NR2C1: variants seen among roughly 807,000 people sequenced by gnomAD.
NR2C1 encodes nuclear receptor subfamily 2 group C member 1.
Under a neutral mutation model 74.8 loss-of-function variants are expected in NR2C1, and 33 were observed. That is an observed-to-expected ratio of 0.44 (90% CI 0.33 to 0.59). The LOEUF (loss-of-function observed/expected upper bound fraction) is 0.59, where lower values mean the gene tolerates loss of function less well. Among genes scored for constraint, NR2C1 ranks in the 20% least tolerant of loss-of-function variants. The pLI, the probability that NR2C1 is intolerant of heterozygous loss-of-function variation, is 0.02. For missense variants in NR2C1, 568 were observed against 715.6 expected (o/e 0.79, Z 2.35); for synonymous variants, 225 against 240.6 (o/e 0.94, Z 0.60).
In NR2C1 at chr12:95,022,403, C is replaced by T. The variant is rs748838539; in HGVS notation, c.1638G>A (p.Arg546=). 5.0e-6 allele frequency: 8 copies of T among 1,593,268 alleles called. No individual in the cohort carries two copies. In the South Asian group the frequency reaches 9.2e-5, roughly 18 times the overall value. The change falls in exon 14 of 14, where the codon AGG becomes AGA. Residue 546 remains arginine, a splice_region_variant and synonymous_variant. Transcript: ENST00000333003. The stretch of plus-strand genomic sequence containing the variant: ...GCAATCTGAGTAGTAGTCTGGATAA[C>T]CTAAAAAAAGAAAGAAAAAAGGGAG... ...ITKTYPDDTY[R]LSRLLLRLPA... is the part of the protein sequence containing the mutation.
intron 9 of NR2C1, among the ~76,000 whole-genome samples, chr12:95,046,799 A>T: frequency 6.6e-6 from 1 of 152,170 alleles, no homozygotes; most frequent in East Asian, 1.9e-4. Context: ...TCAATGTGAG[A>T]ACCATGAAAT....
At chr12:95,029,192 C>T (rs749014765) in intron 11 of NR2C1, among the ~76,000 whole-genome samples, 1 of 151,768 alleles carries the variant, frequency 6.6e-6, no homozygotes, top group Non-Finnish European at 1.5e-5. Flanking sequence ...AGCAATCCTC[C>T]CACCTCAGCC....
At chr12:95,024,569 A>T (rs1252471953) in intron 13 of NR2C1, among the ~76,000 whole-genome samples, 1 of 152,256 alleles carries the variant, frequency 6.6e-6, no homozygotes, top group Non-Finnish European at 1.5e-5. Flanking sequence ...TTCAAAATTA[A>T]TTATAAAACA....
intron 1 of NR2C1, among the ~76,000 whole-genome samples, chr12:95,070,444 C>T (rs1439744889): frequency 2.0e-5 from 3 of 152,116 alleles, no homozygotes. Flanking sequence ...CACACACATT[C>T]TTTATACACT....
chr12:95,070,805 T>A (rs1035802485), intron 1 of NR2C1, among the ~76,000 whole-genome samples: 2 of 152,226 alleles, frequency 1.3e-5, no homozygotes, highest in African/African-American at 4.8e-5. Context: ...TCATTTCCTA[T>A]CACTCCCAAG....
chr12:95,030,166 C>A (rs955214366), intron 11 of NR2C1, among the ~76,000 whole-genome samples: 1 of 152,172 alleles, frequency 6.6e-6, no homozygotes, highest in Non-Finnish European at 1.5e-5. Flanking sequence ...AACCACCCCA[C>A]CTGGCTGAAA....
intron 10 of NR2C1, among the ~76,000 whole-genome samples, chr12:95,034,252 C>G (rs1870531782): frequency 6.6e-6 from 1 of 151,834 alleles, no homozygotes; most frequent in African/African-American, 2.4e-5. Context: ...CATTCAGTAT[C>G]CAAGAAGGAT....
chr12:95,024,455 C>A (rs1032373115), intron 13 of NR2C1, among the ~76,000 whole-genome samples: 1 of 152,028 alleles, frequency 6.6e-6, no homozygotes, highest in East Asian at 1.9e-4. Context: ...ATTAACCCCT[C>A]GGCTATAATA....
intron 2 of NR2C1, chr12:95,067,063 G>A: frequency 2.0e-6 from 1 of 505,830 alleles, no homozygotes. Flanking sequence ...TCACTCTACA[G>A]CTCTTTAATT....
chr12:95,058,907 C>T (rs1466521679), intron 4 of NR2C1, among the ~76,000 whole-genome samples: 1 of 152,108 alleles, frequency 6.6e-6, no homozygotes, highest in Non-Finnish European at 1.5e-5. Context: ...GGATTACAGG[C>T]ATGAGCCATC....
At chr12:95,051,251 G>A (rs892790655) in intron 8 of NR2C1, among the ~76,000 whole-genome samples, 1 of 152,154 alleles carries the variant, frequency 6.6e-6, no homozygotes, top group Non-Finnish European at 1.5e-5. Context: ...ATGATGGGTT[G>A]CAGTCAAAAA....
chr12:95,041,516 C>T (rs181593030), intron 9 of NR2C1, among the ~76,000 whole-genome samples: 3 of 151,750 alleles, frequency 2.0e-5, no homozygotes, highest in African/African-American at 7.3e-5. Flanking sequence ...CAAACTGGCA[C>T]TAAATAAAAA....
At chr12:95,043,835 T>C (rs980394450) in intron 9 of NR2C1, among the ~76,000 whole-genome samples, 1 of 152,192 alleles carries the variant, frequency 6.6e-6, no homozygotes, top group African/African-American at 2.4e-5. Flanking sequence ...GGTTTAATCA[T>C]AAAATGGAAA....
chr12:95,065,633 TTTTAG>T (rs1875572368), intron 2 of NR2C1, among the ~76,000 whole-genome samples: 1 of 152,124 alleles, frequency 6.6e-6, no homozygotes, highest in African/African-American at 2.4e-5. Flanking sequence ...AATTATACTC[TTTTAG>T]TTATTTTAAA....
chr12:95,031,936 C>T (rs1340112035), intron 10 of NR2C1, among the ~76,000 whole-genome samples: 2 of 152,222 alleles, frequency 1.3e-5, no homozygotes, highest in African/African-American at 4.8e-5. Context: ...GGCGTGATCT[C>T]TGCTCACTGC....
chr12:95,055,574 AAGTATTT>A (rs1873706286), intron 7 of NR2C1, among the ~76,000 whole-genome samples: 1 of 152,210 alleles, frequency 6.6e-6, no homozygotes, highest in Admixed American at 6.5e-5. Flanking sequence ...TTCCGAGCCT[AAGTATTT>A]AGAGCGCCTT....
chr12:95,031,523 A>G, intron 10 of NR2C1, 35 bp from the exon 11 acceptor site: 1 of 1,510,944 alleles, frequency 6.6e-7, no homozygotes, highest in Non-Finnish European at 8.9e-7. Context: ...CAAATCAGAT[A>G]TTATTAAAAT....
At chr12:95,022,700 AT>A (rs373684275) in intron 13 of NR2C1, among the ~76,000 whole-genome samples, 344 of 143,202 alleles carry the variant, frequency 2.4e-3, no homozygotes, top group South Asian at 0.012. Flanking sequence ...AAGTTATACA[AT>A]TTTTTTTTTT....
chr12:95,050,794 T>A (rs1160468903), intron 8 of NR2C1, among the ~76,000 whole-genome samples: 1 of 152,074 alleles, frequency 6.6e-6, no homozygotes. Context: ...ACTGTTTCTA[T>A]ATCCTAAGCA....
Sources: gnomAD v4.1 joint callset for allele counts (sites outside exome capture counted in the v4.1 genomes callset) on GRCh38, gnomAD v4.1.1 for gene constraint, MANE v1.5 for transcripts, NCBI Gene and HGNC (gene_info 2026-07-23, HGNC 2026-07-21) for gene names.